CASQ2: variants seen among roughly 807,000 people sequenced by gnomAD.
CASQ2 encodes calsequestrin-2.
CASQ2 carries 49 observed loss-of-function variants against 46.5 expected under a neutral mutation model. The observed-to-expected ratio is 1.05, with a 90% CI of 0.84 to 1.34. The LOEUF (loss-of-function observed/expected upper bound fraction) is 1.34, where lower values mean the gene tolerates loss of function less well. Ranked by LOEUF, CASQ2 falls within the 40% of genes most tolerant of loss-of-function variation. The pLI is 0.00. For missense variants in CASQ2, 486 were observed against 481.3 expected (o/e 1.01, Z -0.09); for synonymous variants, 174 against 168.5 (o/e 1.03, Z -0.25).
At chr1:115,738,200 G>A (rs767020045) in intron 4 of CASQ2, 24 bp downstream of exon 4, 14 of 1,382,110 alleles carry the variant, frequency 1.0e-5, no homozygotes, top group African/African-American at 1.4e-5. Context: ...TAGACTGATC[G>A]GCTGGGGTTG....
intron 8 of CASQ2, among the ~76,000 whole-genome samples, chr1:115,717,055 TC>T (rs1392055152): frequency 6.6e-6 from 1 of 152,084 alleles, no homozygotes; most frequent in Non-Finnish European, 1.5e-5. Context: ...GTGTGGCACC[TC>T]CCCACCACCT....
At position 115,704,924 on chromosome 1, in the gene CASQ2, C is replaced by T. The variant is rs72703604; in HGVS notation, c.939+268G>A. Among the ~76,000 whole-genome samples, 4,477 of 152,272 alleles carry T rather than the reference C, an allele frequency of 0.029. 89 individuals carry two copies. The highest frequency in any genetic ancestry group is 0.049 in the African/African-American group (2,036 of 41,552). On this transcript the variant is annotated intron_variant, in intron 9 of 10. Coordinates refer to ENST00000261448, the MANE Select transcript of CASQ2 (RefSeq NM_001232.4). ...TGAGGGGCAGCTCTGGAGCTGCTGCCGAAGGAGTTTACCCTGCTCACTTGG... is the reference window on the plus strand; with the variant it reads ...TGAGGGGCAGCTCTGGAGCTGCTGCTGAAGGAGTTTACCCTGCTCACTTGG...
chr1:115,761,449 A>G (rs866595730), intron 1 of CASQ2, among the ~76,000 whole-genome samples: 2 of 12,890 alleles, frequency 1.6e-4, no homozygotes, highest in East Asian at 2.5e-3. Context: ...AAAGAAGAAG[A>G]AGAAGAAGAA....
intron 5 of CASQ2, among the ~76,000 whole-genome samples, chr1:115,728,234 AT>A (rs2101080350): frequency 6.6e-6 from 1 of 152,294 alleles, no homozygotes; most frequent in South Asian, 2.1e-4. Flanking sequence ...CTGAGGAAAC[AT>A]TGATATCCAT....
At chr1:115,713,379 G>C (rs1377747080) in intron 8 of CASQ2, among the ~76,000 whole-genome samples, 1 of 152,172 alleles carries the variant, frequency 6.6e-6, no homozygotes, top group African/African-American at 2.4e-5. Flanking sequence ...AGCCAGGCCT[G>C]CCTAAGGGCA....
At chr1:115,708,717 A>G (rs1654440255) in intron 8 of CASQ2, among the ~76,000 whole-genome samples, 1 of 152,244 alleles carries the variant, frequency 6.6e-6, no homozygotes, top group African/African-American at 2.4e-5. Context: ...TTCAAAGGCA[A>G]GGAAGCTGGC....
Position 115,724,301 on chromosome 1 carries a change from T to C in CASQ2, c.783+1207A>G, listed in dbSNP as rs533097620. On this transcript the variant is annotated intron_variant, in intron 7 of 10. Transcript: ENST00000261448. ...CAAACGGGGCTAAAATAGTATTTGG[T>C]TTTTGTTTGTTTGTTTGGGGAGACA... Among the ~76,000 whole-genome samples the C allele has an allele frequency of 3.2e-4, 49 of 152,240 alleles. No individual in the cohort carries two copies. In the South Asian group the frequency reaches 7.3e-3, roughly 23 times the overall value.
chr1:115,711,820 A>T (rs1312283604), intron 8 of CASQ2, among the ~76,000 whole-genome samples: 1 of 151,884 alleles, frequency 6.6e-6, no homozygotes, highest in Non-Finnish European at 1.5e-5. Flanking sequence ...ATGCCCAGCT[A>T]ATTTTTGTAT....
At chr1:115,741,362 T>G (rs749273695) in intron 2 of CASQ2, among the ~76,000 whole-genome samples, 6 of 152,250 alleles carry the variant, frequency 3.9e-5, no homozygotes, top group Admixed American at 1.3e-4. Flanking sequence ...TTAGTTTTTC[T>G]TGTTCTCCCA....
intron 1 of CASQ2, among the ~76,000 whole-genome samples, chr1:115,758,408 CTACT>C (rs1648832703): frequency 6.6e-6 from 1 of 152,164 alleles, no homozygotes; most frequent in Non-Finnish European, 1.5e-5. Context: ...TGTTGAATAC[CTACT>C]GAGTCAGGCA....
At chr1:115,726,961 G>GCCCCCCC in intron 6 of CASQ2, 31 bp downstream of exon 6, 13 of 1,358,332 alleles carry the variant, frequency 9.6e-6, no homozygotes, top group Non-Finnish European at 1.2e-5. Context: ...CAGACCCCAG[G>GCCCCCCC]CCCCCAGCCC....
At chr1:115,753,578 G>A (rs763395868) in intron 1 of CASQ2, among the ~76,000 whole-genome samples, 1 of 152,170 alleles carries the variant, frequency 6.6e-6, no homozygotes, top group African/African-American at 2.4e-5. Context: ...TATTCAAGGT[G>A]TCACACAGAG....
intron 9 of CASQ2, among the ~76,000 whole-genome samples, chr1:115,704,662 A>G (rs1654305421): frequency 6.6e-6 from 1 of 152,238 alleles, no homozygotes; most frequent in Non-Finnish European, 1.5e-5. Flanking sequence ...GATCATGCAC[A>G]CTAGCAAAAG....
chr1:115,714,064 C>G (rs1654628212), intron 8 of CASQ2, among the ~76,000 whole-genome samples: 1 of 152,156 alleles, frequency 6.6e-6, no homozygotes, highest in African/African-American at 2.4e-5. Context: ...AACCTGACGA[C>G]TTCATATAAC....
At chr1:115,714,905 G>T (rs1264374007) in intron 8 of CASQ2, among the ~76,000 whole-genome samples, 1 of 152,222 alleles carries the variant, frequency 6.6e-6, no homozygotes. Context: ...CAGGCCCAGG[G>T]ATATTTGTGC....
At chr1:115,736,957 G>C (rs1272530545) in intron 4 of CASQ2, among the ~76,000 whole-genome samples, 2 of 152,090 alleles carry the variant, frequency 1.3e-5, no homozygotes, top group South Asian at 2.1e-4. Context: ...GTCTAGGCGG[G>C]GGAAGACGCC....
At chr1:115,745,208 G>C (rs1648345832) in intron 1 of CASQ2, among the ~76,000 whole-genome samples, 1 of 152,150 alleles carries the variant, frequency 6.6e-6, no homozygotes, top group South Asian at 2.1e-4. Flanking sequence ...GATAAAACCT[G>C]GATCGGGAGA....
intron 2 of CASQ2, among the ~76,000 whole-genome samples, chr1:115,742,290 T>C (rs1039439604): frequency 6.6e-6 from 1 of 152,228 alleles, no homozygotes; most frequent in African/African-American, 2.4e-5. Flanking sequence ...CCAGATTTTC[T>C]TGATATCAAT....
At chr1:115,745,018 T>G in intron 1 of CASQ2, 106 bp from the exon 2 acceptor site, 1 of 804,830 alleles carries the variant, frequency 1.2e-6, no homozygotes, top group Non-Finnish European at 2.2e-6. Flanking sequence ...CCTCTATACT[T>G]GCTGTTACTA....
Sources: gnomAD v4.1 joint callset for allele counts (sites outside exome capture counted in the v4.1 genomes callset) on GRCh38, gnomAD v4.1.1 for gene constraint, MANE v1.5 for transcripts, NCBI Gene and HGNC (gene_info 2026-07-23, HGNC 2026-07-21) for gene names.